ZYG11A: variants seen among roughly 807,000 people sequenced by gnomAD.
ZYG11A encodes the protein zyg-11 family member A, cell cycle regulator, also known as protein zyg-11 homolog A.
A neutral mutation model predicts 77.2 loss-of-function variants in ZYG11A; 62 were observed. The ratio of observed to expected loss-of-function variants is 0.80; its 90% CI spans 0.65 to 0.99. ZYG11A has a LOEUF of 0.99. Ranked by LOEUF, ZYG11A falls within the 50% of genes least tolerant of loss-of-function variation. The pLI is 0.00. For synonymous variants in ZYG11A, 315 were observed against 324.6 expected, an observed-to-expected ratio of 0.97 and a Z score of 0.32; for missense variants, 828 against 896.8, an observed-to-expected ratio of 0.92 and a Z score of 0.98.
chr1:52,876,488 A>T (rs11801194), intron 8 of ZYG11A, among the ~76,000 whole-genome samples: 2,196 of 152,298 alleles, frequency 0.014, 64 homozygotes, highest in African/African-American at 0.051. Flanking sequence ...TAGATTTTTC[A>T]TCTGAAAAAT....
chr1:52,872,119 A>G (rs1238764029), intron 8 of ZYG11A, among the ~76,000 whole-genome samples: 1 of 152,124 alleles, frequency 6.6e-6, no homozygotes, highest in Non-Finnish European at 1.5e-5. Context: ...TGAGATGTCA[A>G]GAAGGCAGTT....
chr1:52,890,119 T>C (rs1343962630), intron 13 of ZYG11A, among the ~76,000 whole-genome samples: 4 of 149,852 alleles, frequency 2.7e-5, no homozygotes, highest in Non-Finnish European at 5.9e-5. Context: ...GTTTTGATAG[T>C]GCATTACTGA....
intron 8 of ZYG11A, among the ~76,000 whole-genome samples, chr1:52,874,395 T>C (rs1048221049): frequency 2.0e-5 from 3 of 151,666 alleles, no homozygotes; most frequent in South Asian, 2.1e-4. Flanking sequence ...CAGGTGCATA[T>C]CACTACACCC....
intron 8 of ZYG11A, among the ~76,000 whole-genome samples, chr1:52,871,401 T>C (rs1461902102): frequency 6.6e-6 from 1 of 152,190 alleles, no homozygotes; most frequent in Admixed American, 6.6e-5. Flanking sequence ...TTGCACTGTT[T>C]ATGCTACCTT....
chr1:52,859,667 CTTTTTT>C (rs60756718), intron 3 of ZYG11A, among the ~76,000 whole-genome samples: 1 of 42,940 alleles, frequency 2.3e-5, no homozygotes, highest in African/African-American at 7.6e-5. Context: ...TGTGTATTGC[CTTTTTT>C]TTTTTTTTTT....
intron 8 of ZYG11A, among the ~76,000 whole-genome samples, chr1:52,868,154 C>G (rs373959941): frequency 6.6e-6 from 1 of 151,340 alleles, no homozygotes; most frequent in African/African-American, 2.4e-5. Context: ...TTAGTAGAGA[C>G]GGGGTTTCAC....
chr1:52,862,456 C>T (rs1010900881), intron 4 of ZYG11A, among the ~76,000 whole-genome samples: 66 of 151,532 alleles, frequency 4.4e-4, no homozygotes, highest in African/African-American at 9.7e-4. Context: ...GGACTACAGG[C>T]GCCCGTCACC....
chr1:52,866,740 G>A (rs1646033860), intron 6 of ZYG11A, among the ~76,000 whole-genome samples, 173 bp downstream of exon 6: 1 of 152,164 alleles, frequency 6.6e-6, no homozygotes, highest in African/African-American at 2.4e-5. Context: ...AGTGATTCTA[G>A]TATAGGATAG....
Position 52,877,905 on chromosome 1 carries a change from T to C in ZYG11A, c.1705-20T>C, listed in dbSNP as rs1284852168. ...TCTCTTCATGATAAAGTAACCTGTA[T>C]GTATATATTTTTTTGACAGACCTTT... On this transcript the variant is annotated intron_variant, in intron 9 of 13. Transcript: ENST00000371528. 1.3e-6 allele frequency: 2 copies of C among 1,551,572 alleles called. No individual in the cohort carries two copies. Among genetic ancestry groups the C allele is most frequent in the Non-Finnish European group, 1.7e-6 (2 of 1,146,920 alleles).
In ZYG11A at chr1:52,893,020, T is replaced by C. The variant is rs1460277031; in HGVS notation, c.*63T>C. On this transcript the variant is annotated 3_prime_UTR_variant, in exon 14 of 14. Coordinates refer to ENST00000371528, the MANE Select transcript of ZYG11A (RefSeq NM_001004339.3). Reference sequence around the variant, plus strand: ...GTCAGGTGTTCTGCCCTGGCAGTAATTGCACATCAGTTGTCATTGGAGTTT... The same window carrying C: ...GTCAGGTGTTCTGCCCTGGCAGTAACTGCACATCAGTTGTCATTGGAGTTT... 6 of 1,419,526 alleles carry C rather than the reference T, an allele frequency of 4.2e-6. No homozygotes were observed. The highest frequency in any genetic ancestry group is 5.7e-6 in the Non-Finnish European group (6 of 1,044,622). 87.9% of individuals were successfully genotyped at this position (1,419,526 alleles called of 1,614,324 possible). A position where few individuals can be genotyped will look rare whatever the true frequency, so the allele number is the denominator to read the frequency against.
chr1:52,884,660 A>T (rs566290321), intron 11 of ZYG11A, among the ~76,000 whole-genome samples: 1 of 152,250 alleles, frequency 6.6e-6, no homozygotes, highest in Non-Finnish European at 1.5e-5. Context: ...ATATTCAGAA[A>T]AAAAAAATTA....
In ZYG11A at chr1:52,877,684, ACTT is replaced by A; in HGVS notation, c.1548_1550del (p.Leu517del). ...CTCCCTGTCTCTTTGGTTTTTAGGA[ACTT>A]CTAGCAATAGTAAAACAAAAGACTA... On this transcript the variant is annotated inframe_deletion, in exon 9 of 14. Coordinates refer to ENST00000371528, the MANE Select transcript of ZYG11A (RefSeq NM_001004339.3). 1 of 1,544,272 alleles carries A rather than the reference ACTT, an allele frequency of 6.5e-7. No individual in the cohort carries two copies. The highest frequency in any genetic ancestry group is 2.4e-5 in the East Asian group (1 of 40,866).
At chr1:52,871,684 G>A (rs1646169408) in intron 8 of ZYG11A, among the ~76,000 whole-genome samples, 1 of 151,984 alleles carries the variant, frequency 6.6e-6, no homozygotes, top group South Asian at 2.1e-4. Context: ...TTACCATTTT[G>A]TTCAGCCTGG....
intron 8 of ZYG11A, among the ~76,000 whole-genome samples, chr1:52,874,760 G>T (rs1646232996): frequency 6.6e-6 from 1 of 152,018 alleles, no homozygotes; most frequent in South Asian, 2.1e-4. Flanking sequence ...TCAGCTACTC[G>T]GGAGGCTGAG....
intron 1 of ZYG11A, among the ~76,000 whole-genome samples, chr1:52,849,963 C>T (rs982791142): frequency 3.3e-5 from 5 of 152,112 alleles, no homozygotes; most frequent in East Asian, 1.9e-4. Flanking sequence ...GGATTACAGG[C>T]GTGAGCCACC....
At chr1:52,884,497 A>AG (rs1340286104) in intron 11 of ZYG11A, among the ~76,000 whole-genome samples, 44 of 147,210 alleles carry the variant, frequency 3.0e-4, no homozygotes, top group Non-Finnish European at 4.4e-4. Context: ...CTGCCTCAAA[A>AG]AAAAAAAAAA....
chr1:52,863,684 A>C (rs943905141), intron 4 of ZYG11A, among the ~76,000 whole-genome samples: 1 of 152,220 alleles, frequency 6.6e-6, no homozygotes. Flanking sequence ...AGTACCTGTC[A>C]CAGTAGCTTG....
chr1:52,852,075 C>T (rs937344868), intron 1 of ZYG11A, among the ~76,000 whole-genome samples: 13 of 151,894 alleles, frequency 8.6e-5, no homozygotes, highest in Admixed American at 6.6e-4. Flanking sequence ...CCACCACTCT[C>T]GGCTAATTTT....
At chr1:52,883,147 C>T (rs1192692241) in intron 11 of ZYG11A, among the ~76,000 whole-genome samples, 1 of 151,908 alleles carries the variant, frequency 6.6e-6, no homozygotes, top group East Asian at 1.9e-4. Flanking sequence ...GATAGGCTCT[C>T]ACTCTGTTGT....
Sources: gnomAD v4.1 joint callset for allele counts (sites outside exome capture counted in the v4.1 genomes callset) on GRCh38, gnomAD v4.1.1 for gene constraint, MANE v1.5 for transcripts, NCBI Gene and HGNC (gene_info 2026-07-23, HGNC 2026-07-21) for gene names.